MSRA: variants seen among roughly 807,000 people sequenced by gnomAD.
The protein encoded by MSRA is mitochondrial peptide methionine sulfoxide reductase.
Under a neutral mutation model 31.3 loss-of-function variants are expected in MSRA, and 54 were observed. The observed-to-expected ratio is 1.73, with a 90% confidence interval of 1.39 to 2.17. The LOEUF is 2.17. Among genes scored for constraint, MSRA ranks in the 30% most tolerant of loss-of-function variants. The probability of loss-of-function intolerance (pLI) is 0.00; values close to 1 mark genes in which losing one functional copy is unlikely to be tolerated. For synonymous variants in MSRA, 169 were observed against 116.5 expected (o/e 1.45, Z -2.90); for missense variants, 507 against 300.9 (o/e 1.69, Z -5.07).
At chr8:10,183,099 C>T (rs1205754835) in intron 1 of MSRA, among the ~76,000 whole-genome samples, 1 of 152,182 alleles carries the variant, frequency 6.6e-6, no homozygotes, top group Non-Finnish European at 1.5e-5. Flanking sequence ...GTTAGGAACC[C>T]TCATGTTATA....
intron 5 of MSRA, among the ~76,000 whole-genome samples, chr8:10,359,587 T>C (rs1804720003): frequency 6.6e-6 from 1 of 152,234 alleles, no homozygotes; most frequent in Non-Finnish European, 1.5e-5. Flanking sequence ...TCGTTTTCTT[T>C]CTAATCCTTC....
chr8:10,135,250 G>C (rs143457045), intron 1 of MSRA, among the ~76,000 whole-genome samples: 1 of 152,222 alleles, frequency 6.6e-6, no homozygotes, highest in Admixed American at 6.5e-5. Context: ...GACATTGGGG[G>C]TTGCCTATTT....
intron 5 of MSRA, among the ~76,000 whole-genome samples, chr8:10,424,350 G>A (rs1328239587): frequency 6.6e-6 from 1 of 152,156 alleles, no homozygotes; most frequent in Admixed American, 6.5e-5. Context: ...AGGGCCTGGG[G>A]TGGAGCGGGA....
Position 10,054,406 on chromosome 8 carries a change from C to G in MSRA, c.-111C>G. 1.1e-6 allele frequency: 1 copy of G among 931,572 alleles called. No homozygotes were observed. The highest frequency in any genetic ancestry group is 1.4e-6 in the Non-Finnish European group (1 of 707,754). The allele number at this position is 931,572 out of a possible 1,614,324, so 57.7% of individuals were successfully genotyped here. ...AGCGCCCCGCGCCCGCCCGCCCGCGCCCCTGCCGCCCCCCGGTTCCGGCCG... is the reference window on the plus strand; with the variant it reads ...AGCGCCCCGCGCCCGCCCGCCCGCGGCCCTGCCGCCCCCCGGTTCCGGCCG... On this transcript the variant is annotated 5_prime_UTR_variant, in exon 1 of 6. Transcript: ENST00000317173.
Position 10,424,886 on chromosome 8 carries a change from C to T in MSRA, c.544-3262C>T, listed in dbSNP as rs1809040378. Among the ~76,000 whole-genome samples, 5 of 152,208 alleles carry T rather than the reference C, an allele frequency of 3.3e-5. No homozygotes were observed. In the South Asian group the frequency reaches 1.0e-3, roughly 32 times the overall value. On this transcript the variant is annotated intron_variant, in intron 5 of 5. Transcript: ENST00000317173. ...TAACTTAATGCTGTCACTTGTGCCG[C>T]ACACAGCGGGGCCCACCCCGGGGGA...
intron 5 of MSRA, among the ~76,000 whole-genome samples, chr8:10,413,623 C>T (rs1440547455): frequency 1.4e-5 from 2 of 144,556 alleles, no homozygotes; most frequent in South Asian, 4.5e-4. Flanking sequence ...TAGAGTAATG[C>T]CTCAACAAAT....
intron 1 of MSRA, among the ~76,000 whole-genome samples, chr8:10,128,194 A>T (rs1243971435): frequency 6.6e-6 from 1 of 152,128 alleles, no homozygotes; most frequent in Non-Finnish European, 1.5e-5. Flanking sequence ...CCTGGCCAAC[A>T]TGATGAAACC....
intron 5 of MSRA, among the ~76,000 whole-genome samples, chr8:10,361,710 A>G (rs189304388): frequency 6.6e-6 from 1 of 152,338 alleles, no homozygotes; most frequent in Admixed American, 6.5e-5. Context: ...AAGCACTTCT[A>G]ATGAAAGACT....
chr8:10,411,620 G>C (rs1045409239), intron 5 of MSRA: 1 of 152,218 alleles, frequency 6.6e-6, no homozygotes, highest in East Asian at 1.9e-4. Context: ...GCAGCTGACA[G>C]ATGTAACCTG....
rs865784181 is a variant in MSRA at position 10,392,319 on chromosome 8, G to C, written c.544-35829G>C. On this transcript the variant is annotated intron_variant, in intron 5 of 5. Transcript: ENST00000317173. ...TGCTTACATGCTCTGAGTCAGCTTGGATCGTGATGGCTAGAAGGAGTCATA... is the reference window on the plus strand; with the variant it reads ...TGCTTACATGCTCTGAGTCAGCTTGCATCGTGATGGCTAGAAGGAGTCATA... Among the ~76,000 whole-genome samples the C allele has an allele frequency of 7.2e-5, 11 of 152,328 alleles. No individual in the cohort carries two copies. In the South Asian group the frequency reaches 1.0e-3, roughly 14 times the overall value.
rs186350002 is a variant in MSRA at position 10,288,015 on chromosome 8, G to A, written c.332-13519G>A. 1.2e-3 allele frequency among the ~76,000 whole-genome samples: 190 copies of A among 152,200 alleles called. 1 individual carries two copies. Among genetic ancestry groups the A allele is most frequent in the African/African-American group, 4.5e-3 (187 of 41,544 alleles). ...ATCCCAGAGAGTGCTCAGAGCTCATGCTAGGGTTTAGTAAATACTTAGTGA... is the reference window on the plus strand; with the variant it reads ...ATCCCAGAGAGTGCTCAGAGCTCATACTAGGGTTTAGTAAATACTTAGTGA... On this transcript the variant is annotated intron_variant, in intron 3 of 5. Coordinates refer to ENST00000317173, the MANE Select transcript of MSRA (RefSeq NM_012331.5).
chr8:10,427,473 T>TCCTGC lies in MSRA; in HGVS notation c.544-665_544-661dup, dbSNP rs1317351851. Among the ~76,000 whole-genome samples, 10 of 152,208 alleles carry TCCTGC rather than the reference T, an allele frequency of 6.6e-5. No individual in the cohort carries two copies. In the South Asian group the frequency reaches 1.9e-3, roughly 28 times the overall value. ...GGGTGGTGATGAGCCACAGGCCACA[T>TCCTGC]CCTGCCCTGCCCTGACTCCCCAGGC... On this transcript the variant is annotated intron_variant, in intron 5 of 5. Coordinates refer to ENST00000317173, the MANE Select transcript of MSRA (RefSeq NM_012331.5).
At chr8:10,078,931 A>G (rs1403540868) in intron 1 of MSRA, among the ~76,000 whole-genome samples, 1 of 152,250 alleles carries the variant, frequency 6.6e-6, no homozygotes, top group Admixed American at 6.5e-5. Flanking sequence ...ATTTGGAGCC[A>G]GTGGTCCCTC....
intron 2 of MSRA, among the ~76,000 whole-genome samples, chr8:10,211,312 A>T (rs1809473760): frequency 6.6e-6 from 1 of 152,160 alleles, no homozygotes; most frequent in Non-Finnish European, 1.5e-5. Flanking sequence ...AGATTTTCTT[A>T]TGTAGCCCAA....
chr8:10,163,854 C>G (rs1482745164), intron 1 of MSRA, among the ~76,000 whole-genome samples: 1 of 152,214 alleles, frequency 6.6e-6, no homozygotes, highest in Non-Finnish European at 1.5e-5. Context: ...CCAGTGTGGC[C>G]CCTCCGCCCT....
intron 1 of MSRA, among the ~76,000 whole-genome samples, chr8:10,164,296 G>A (rs754456294): frequency 6.6e-6 from 1 of 152,150 alleles, no homozygotes; most frequent in African/African-American, 2.4e-5. Flanking sequence ...TAAATTTCCT[G>A]TAAATCCTTC....
intron 5 of MSRA, among the ~76,000 whole-genome samples, chr8:10,364,805 C>G (rs570473318): frequency 2.0e-5 from 3 of 152,280 alleles, no homozygotes; most frequent in African/African-American, 7.2e-5. Flanking sequence ...GATATTACCA[C>G]CCTCCGACTT....
chr8:10,277,216 C>G (rs1799365692), intron 3 of MSRA, among the ~76,000 whole-genome samples: 1 of 152,084 alleles, frequency 6.6e-6, no homozygotes, highest in Non-Finnish European at 1.5e-5. Context: ...TAATCTAAGT[C>G]TCGTATCTTT....
At chr8:10,424,717 TC>T (rs1179946185) in intron 5 of MSRA, among the ~76,000 whole-genome samples, 1 of 152,124 alleles carries the variant, frequency 6.6e-6, no homozygotes, top group African/African-American at 2.4e-5. Flanking sequence ...GTGTTCTGAT[TC>T]GGGGCCAGGG....
Sources: gnomAD v4.1 joint callset for allele counts (sites outside exome capture counted in the v4.1 genomes callset) on GRCh38, gnomAD v4.1.1 for gene constraint, MANE v1.5 for transcripts, NCBI Gene and HGNC (gene_info 2026-07-23, HGNC 2026-07-21) for gene names.